The following EXT1 variants were observed in gnomAD, a reference collection of about 807,000 sequenced individuals.
EXT1 encodes exostosin glycosyltransferase 1, also known as exostosin-1.
EXT1 carries 20 observed loss-of-function variants against 82.5 expected under a neutral mutation model. The ratio of observed to expected loss-of-function variants is 0.24; its 90% CI spans 0.17 to 0.35. EXT1 has a LOEUF of 0.35. Among genes scored for constraint, EXT1 ranks in the 10% least tolerant of loss-of-function variants. The pLI, the probability that EXT1 is intolerant of heterozygous loss-of-function variation, is 1.00. For synonymous variants in EXT1, 348 were observed against 350.8 expected (o/e 0.99, Z 0.09); for missense variants, 757 against 936.5 (o/e 0.81, Z 2.50).
intron 1 of EXT1, among the ~76,000 whole-genome samples, chr8:117,871,510 A>C (rs1812869900): frequency 6.6e-6 from 1 of 152,236 alleles, no homozygotes; most frequent in Non-Finnish European, 1.5e-5. Context: ...TAATGTATGC[A>C]AGGCAGATTT....
At chr8:118,036,449 CATG>C (rs981171855) in intron 1 of EXT1, among the ~76,000 whole-genome samples, 1 of 152,112 alleles carries the variant, frequency 6.6e-6, no homozygotes, top group African/African-American at 2.4e-5. Flanking sequence ...TAGTAAATCG[CATG>C]ATAACTTATC....
chr8:117,966,146 C>A (rs1160007017), intron 1 of EXT1, among the ~76,000 whole-genome samples: 1 of 152,086 alleles, frequency 6.6e-6, no homozygotes, highest in Non-Finnish European at 1.5e-5. Flanking sequence ...AGAGAAAAGT[C>A]TCCACATATT....
intron 1 of EXT1, among the ~76,000 whole-genome samples, chr8:117,970,113 C>T (rs886424691): frequency 6.6e-6 from 1 of 152,140 alleles, no homozygotes; most frequent in Non-Finnish European, 1.5e-5. Context: ...TCATGAACTG[C>T]CAGCCTGCAG....
chr8:117,817,295 C>T (rs933944025), intron 7 of EXT1, among the ~76,000 whole-genome samples: 8 of 152,052 alleles, frequency 5.3e-5, no homozygotes, highest in Non-Finnish European at 1.2e-4. Flanking sequence ...TATGTCAAAC[C>T]ATATGAAATT....
At chr8:118,050,117 G>T (rs1023688910) in intron 1 of EXT1, among the ~76,000 whole-genome samples, 1 of 152,182 alleles carries the variant, frequency 6.6e-6, no homozygotes, top group Non-Finnish European at 1.5e-5. Context: ...ACTAAATAAA[G>T]GAAGGTAGAG....
intron 1 of EXT1, among the ~76,000 whole-genome samples, chr8:118,103,300 C>T (rs1817755548): frequency 6.6e-6 from 1 of 152,126 alleles, no homozygotes; most frequent in Admixed American, 6.5e-5. Flanking sequence ...GTGTGCACCA[C>T]CATGCCCAGC....
At chr8:117,987,449 C>G (rs1224463959) in intron 1 of EXT1, among the ~76,000 whole-genome samples, 3 of 152,226 alleles carry the variant, frequency 2.0e-5, no homozygotes, top group Admixed American at 6.5e-5. Context: ...GGAGAATGTT[C>G]CAGACACTGG....
intron 1 of EXT1, among the ~76,000 whole-genome samples, chr8:117,882,996 A>G (rs908266988): frequency 5.9e-5 from 9 of 151,478 alleles, no homozygotes; most frequent in African/African-American, 1.7e-4. Flanking sequence ...AAAAAAAAAA[A>G]GAAAGAAAAA....
intron 1 of EXT1, among the ~76,000 whole-genome samples, chr8:117,954,090 A>G (rs111635272): frequency 1.5e-4 from 23 of 152,216 alleles, no homozygotes; most frequent in Non-Finnish European, 2.9e-4. Flanking sequence ...GCAGTAATCC[A>G]TTTCTGGTCT....
At chr8:118,106,291 C>T (rs1442343616) in intron 1 of EXT1, among the ~76,000 whole-genome samples, 1 of 152,186 alleles carries the variant, frequency 6.6e-6, no homozygotes, top group African/African-American at 2.4e-5. Context: ...GGTGAATTTT[C>T]AAGGGTGCCT....
At chr8:117,838,760 G>A (rs1225563029) in intron 1 of EXT1, among the ~76,000 whole-genome samples, 1 of 151,966 alleles carries the variant, frequency 6.6e-6, no homozygotes, top group Admixed American at 6.6e-5. Flanking sequence ...CTAATAGATG[G>A]AGCAGAGAGA....
chr8:117,821,152 G>A (rs535541291), intron 5 of EXT1, among the ~76,000 whole-genome samples: 4 of 152,230 alleles, frequency 2.6e-5, no homozygotes, highest in African/African-American at 9.6e-5. Context: ...GATACTGATG[G>A]GATAAAGGCT....
chr8:117,949,964 C>G (rs1284320706), intron 1 of EXT1, among the ~76,000 whole-genome samples: 1 of 152,200 alleles, frequency 6.6e-6, no homozygotes, highest in Non-Finnish European at 1.5e-5. Flanking sequence ...GTGACTCACG[C>G]CTGTAATCCC....
chr8:117,900,190 A>G (rs1004463825), intron 1 of EXT1, among the ~76,000 whole-genome samples: 2 of 152,182 alleles, frequency 1.3e-5, no homozygotes, highest in African/African-American at 4.8e-5. Context: ...GTCAGGAAAG[A>G]TGACCAGAAA....
At chr8:118,074,373 G>A (rs1322308848) in intron 1 of EXT1, among the ~76,000 whole-genome samples, 1 of 152,166 alleles carries the variant, frequency 6.6e-6, no homozygotes. Context: ...GCATCCGAGG[G>A]AGCTCCAGCT....
At chr8:117,952,586 A>G (rs939611916) in intron 1 of EXT1, among the ~76,000 whole-genome samples, 10 of 152,138 alleles carry the variant, frequency 6.6e-5, no homozygotes, top group Non-Finnish European at 1.3e-4. Flanking sequence ...ACATGATGAA[A>G]TCCCGTCTCT....
chr8:118,048,978 T>C (rs1429516914), intron 1 of EXT1, among the ~76,000 whole-genome samples: 6 of 152,038 alleles, frequency 3.9e-5, no homozygotes, highest in South Asian at 2.1e-4. Context: ...CATAAGCCAA[T>C]AACAAGAACT....
intron 1 of EXT1, among the ~76,000 whole-genome samples, chr8:118,068,824 G>A (rs922145557): frequency 6.6e-6 from 1 of 152,096 alleles, no homozygotes; most frequent in African/African-American, 2.4e-5. Context: ...ATAGACAAGA[G>A]ACTTTCCTCA....
intron 1 of EXT1, among the ~76,000 whole-genome samples, chr8:118,005,424 C>G (rs1474343099): frequency 6.6e-6 from 1 of 152,182 alleles, no homozygotes; most frequent in African/African-American, 2.4e-5. Context: ...AACAGCAAAA[C>G]AAAACAGCAG....
Sources: gnomAD v4.1 joint callset for allele counts (sites outside exome capture counted in the v4.1 genomes callset) on GRCh38, gnomAD v4.1.1 for gene constraint, MANE v1.5 for transcripts, NCBI Gene and HGNC (gene_info 2026-07-23, HGNC 2026-07-21) for gene names.